Variants in ADAM19 observed in about 807,000 individuals in gnomAD.
ADAM19 encodes the protein disintegrin and metalloproteinase domain-containing protein 19.
A neutral mutation model predicts 114.7 loss-of-function variants in ADAM19; 65 were observed. The ratio of observed to expected loss-of-function variants is 0.57; its 90% CI spans 0.46 to 0.70. The LOEUF (loss-of-function observed/expected upper bound fraction) is 0.70, where lower values mean the gene tolerates loss of function less well. Among genes scored for constraint, ADAM19 ranks in the 30% least tolerant of loss-of-function variants. ADAM19 has a pLI of 0.00. For synonymous variants in ADAM19, 466 were observed against 460.5 expected (o/e 1.01, Z -0.15); for missense variants, 1,063 against 1,204.7 (o/e 0.88, Z 1.74).
At chr5:157,503,121 C>G in intron 11 of ADAM19, 141 bp from the exon 12 acceptor site, 1 of 651,594 alleles carries the variant, frequency 1.5e-6, no homozygotes, top group South Asian at 2.2e-5. Flanking sequence ...CACATACATT[C>G]TGGCCCCTTA....
chr5:157,501,236 C>A (rs1448261667), intron 12 of ADAM19, among the ~76,000 whole-genome samples: 2 of 152,140 alleles, frequency 1.3e-5, no homozygotes, highest in African/African-American at 4.8e-5. Context: ...GGCTCCCCTT[C>A]CACCTGAAAT....
At chr5:157,559,400 C>T (rs945954352) in intron 3 of ADAM19, among the ~76,000 whole-genome samples, 2 of 152,194 alleles carry the variant, frequency 1.3e-5, no homozygotes, top group Non-Finnish European at 2.9e-5. Flanking sequence ...GGCAAAGTGC[C>T]TACTAGTTGA....
intron 18 of ADAM19, among the ~76,000 whole-genome samples, chr5:157,490,814 C>T (rs1321018126): frequency 6.6e-6 from 1 of 151,720 alleles, no homozygotes; most frequent in East Asian, 1.9e-4. Context: ...ATCACTTGAA[C>T]CCGGGAGGCG....
At chr5:157,501,602 C>T (rs142755190) in intron 12 of ADAM19, among the ~76,000 whole-genome samples, 2 of 152,300 alleles carry the variant, frequency 1.3e-5, no homozygotes, top group African/African-American at 4.8e-5. Context: ...CATTCCTCAA[C>T]CCCAGTGGCC....
intron 5 of ADAM19, among the ~76,000 whole-genome samples, chr5:157,521,340 A>G (rs969048012): frequency 7.2e-5 from 11 of 152,294 alleles, no homozygotes; most frequent in Middle Eastern, 6.8e-3. Context: ...AGCATTTTGT[A>G]TGCTCTAAAA....
chr5:157,563,771 T>A (rs1304124169), intron 3 of ADAM19, among the ~76,000 whole-genome samples: 1 of 152,144 alleles, frequency 6.6e-6, no homozygotes, highest in African/African-American at 2.4e-5. Context: ...AATCCAGATA[T>A]GACTGCATCT....
chr5:157,574,725 T>A (rs1331839470), intron 1 of ADAM19, among the ~76,000 whole-genome samples: 1 of 152,066 alleles, frequency 6.6e-6, no homozygotes, highest in Non-Finnish European at 1.5e-5. Context: ...GAAATCTGCT[T>A]ATAGCCCCCG....
intron 11 of ADAM19, among the ~76,000 whole-genome samples, chr5:157,505,381 A>G (rs1009831251): frequency 1.3e-5 from 2 of 152,176 alleles, no homozygotes; most frequent in South Asian, 4.1e-4. Context: ...AAATTCATGA[A>G]ATAAAAAAGA....
intron 5 of ADAM19, 134 bp downstream of exon 5, chr5:157,530,673 G>T: frequency 1.5e-6 from 1 of 682,380 alleles, no homozygotes; most frequent in East Asian, 2.7e-5. Flanking sequence ...CCCAGGCTCA[G>T]CCCCTCTCTG....
chr5:157,565,432 G>A (rs1048650241), intron 2 of ADAM19, among the ~76,000 whole-genome samples: 1 of 152,090 alleles, frequency 6.6e-6, no homozygotes. Context: ...AAAATGTTTA[G>A]ACTCGGCCGG....
At chr5:157,557,203 T>A (rs188856674) in intron 3 of ADAM19, among the ~76,000 whole-genome samples, 463 of 152,322 alleles carry the variant, frequency 3.0e-3, no homozygotes, top group Non-Finnish European at 4.5e-3. Flanking sequence ...CCACTGCACC[T>A]GGCCAAGTAG....
At chr5:157,514,848 T>C (rs1316376800) in intron 7 of ADAM19, among the ~76,000 whole-genome samples, 1 of 152,222 alleles carries the variant, frequency 6.6e-6, no homozygotes, top group Non-Finnish European at 1.5e-5. Flanking sequence ...ATGATGGGCA[T>C]GTCCTGTACA....
rs899412410 is a variant in ADAM19, at chr5:157,575,648, G to C, written c.49C>G (p.Leu17Val). The change falls in exon 1 of 23, where the codon CTG becomes GTG. Residue 17 changes from leucine (L) to valine (V), a missense_variant. Physicochemically the swap from Leu to Val is conservative, Grantham distance 32 (BLOSUM62 1). This residue lies in a region of ADAM19 where 615 missense variants were observed against 706.3 expected (regional missense o/e 0.87). Coordinates refer to ENST00000257527, the MANE Select transcript of ADAM19 (RefSeq NM_033274.5). ...AARLCLLAFA[L>V]QPLRPRAARE... The stretch of plus-strand genomic sequence containing the variant: ...GCCGCCCGCGGCCGGAGGGGCTGCA[G>C]GGCAAACGCCAGCAAGCAGAGCCGG... 1 of 1,418,936 alleles carries C rather than the reference G, an allele frequency of 7.0e-7. No homozygotes were observed. The allele number at this position is 1,418,936 out of a possible 1,614,324, so 87.9% of individuals were successfully genotyped here.
chr5:157,575,724 C>T lies in ADAM19; in HGVS notation c.-28G>A, dbSNP rs1757955892. ...TGGCGGCGGCCCTTAGCGCTCGGCG[C>T]TCACACGCCCTCAGCCATACCTGCC... On this transcript the variant is annotated 5_prime_UTR_variant, in exon 1 of 23. Transcript: ENST00000257527. The T allele has an allele frequency of 7.7e-7, 1 of 1,302,648 alleles. No individual in the cohort carries two copies. Among genetic ancestry groups the T allele is most frequent in the Non-Finnish European group, 9.7e-7 (1 of 1,025,896 alleles). The allele number at this position is 1,302,648 out of a possible 1,614,324, so 80.7% of individuals were successfully genotyped here.
chr5:157,574,639 G>C (rs868662813), intron 1 of ADAM19, among the ~76,000 whole-genome samples: 1 of 152,176 alleles, frequency 6.6e-6, no homozygotes, highest in Non-Finnish European at 1.5e-5. Context: ...CGTCTGCAGC[G>C]GTGGAGCCAG....
At chr5:157,575,527 A>T in intron 1 of ADAM19, 76 bp downstream of exon 1, 2 of 1,150,930 alleles carry the variant, frequency 1.7e-6, no homozygotes, top group South Asian at 1.8e-5. Flanking sequence ...TCGCGGTCCC[A>T]GCGCTCCGGA....
chr5:157,521,781 G>A (rs1486487645), intron 5 of ADAM19, among the ~76,000 whole-genome samples: 1 of 152,226 alleles, frequency 6.6e-6, no homozygotes, highest in Non-Finnish European at 1.5e-5. Flanking sequence ...GGAGAGAGCT[G>A]CTGCACGCAT....
rs769543633 is a variant in ADAM19 at position 157,505,652 on chromosome 5, C to A, written c.1130+17G>T. On this transcript the variant is annotated intron_variant, in intron 11 of 22. Transcript: ENST00000257527. ...GCCCGCCCTCCTCCCCATCCTCCCT[C>A]TTGCTGTTTGACTCACCCAGTGGCA... 6.2e-7 allele frequency: 1 copy of A among 1,613,304 alleles called. No homozygotes were observed. The highest frequency in any genetic ancestry group is 8.5e-7 in the Non-Finnish European group (1 of 1,179,510).
intron 16 of ADAM19, among the ~76,000 whole-genome samples, chr5:157,492,144 T>C (rs1374949218): frequency 1.3e-5 from 2 of 152,030 alleles, no homozygotes; most frequent in Admixed American, 6.6e-5. Context: ...ATACAAAAAT[T>C]AGCTGGGCCT....
Sources: gnomAD v4.1 joint callset for allele counts (sites outside exome capture counted in the v4.1 genomes callset) on GRCh38, gnomAD v4.1.1 for gene constraint, gnomAD v4.1.1 regional missense constraint, MANE v1.5 for transcripts, NCBI Gene and HGNC (gene_info 2026-07-23, HGNC 2026-07-21) for gene names.